Variants in EDIL3 observed in about 807,000 individuals in gnomAD.
EDIL3 encodes the protein EGF-like repeat and discoidin I-like domain-containing protein 3.
A neutral mutation model predicts 67.4 loss-of-function variants in EDIL3; 37 were observed. The observed-to-expected ratio is 0.55, with a 90% CI of 0.42 to 0.72. EDIL3 has a LOEUF of 0.72. Among genes scored for constraint, EDIL3 ranks in the 30% least tolerant of loss-of-function variants. The probability of loss-of-function intolerance (pLI) is 0.00; values close to 1 mark genes in which losing one functional copy is unlikely to be tolerated. For missense variants in EDIL3, 527 were observed against 586.3 expected, an observed-to-expected ratio of 0.90 and a Z score of 1.04; for synonymous variants, 195 against 196.3, an observed-to-expected ratio of 0.99 and a Z score of 0.05.
intron 5 of EDIL3, among the ~76,000 whole-genome samples, chr5:84,111,711 G>A (rs1415789074): frequency 6.6e-6 from 1 of 152,190 alleles, no homozygotes; most frequent in Non-Finnish European, 1.5e-5. Flanking sequence ...CAGGTGATCA[G>A]AGATGGCCTT....
At chr5:84,143,772 C>A (rs903682175) in intron 4 of EDIL3, among the ~76,000 whole-genome samples, 1 of 151,718 alleles carries the variant, frequency 6.6e-6, no homozygotes, top group Non-Finnish European at 1.5e-5. Flanking sequence ...ATGCAGAGGC[C>A]AGTAAGAACA....
At chr5:84,206,995 A>T (rs1379376393) in intron 3 of EDIL3, among the ~76,000 whole-genome samples, 1 of 152,188 alleles carries the variant, frequency 6.6e-6, no homozygotes, top group Non-Finnish European at 1.5e-5. Flanking sequence ...CAAGACAGGG[A>T]TGCCCTCTCT....
chr5:84,236,922 T>G (rs1268342483), intron 2 of EDIL3, among the ~76,000 whole-genome samples: 1 of 152,086 alleles, frequency 6.6e-6, no homozygotes, highest in East Asian at 1.9e-4. Context: ...TTATCCATTT[T>G]CAATAAAATT....
At chr5:84,102,041 T>A (rs1168131269) in intron 6 of EDIL3, among the ~76,000 whole-genome samples, 5 of 151,894 alleles carry the variant, frequency 3.3e-5, no homozygotes, top group African/African-American at 1.2e-4. Flanking sequence ...GAGTGAATAA[T>A]CACATAAACA....
At chr5:84,224,340 A>G (rs1012249358) in intron 3 of EDIL3, among the ~76,000 whole-genome samples, 3 of 151,530 alleles carry the variant, frequency 2.0e-5, no homozygotes, top group African/African-American at 7.2e-5. Flanking sequence ...AATAAACTAA[A>G]AGCAATGAGG....
At chr5:84,144,321 C>A (rs1406232156) in intron 4 of EDIL3, among the ~76,000 whole-genome samples, 1 of 147,784 alleles carries the variant, frequency 6.8e-6, no homozygotes, top group Admixed American at 6.8e-5. Flanking sequence ...TTCCATGCAT[C>A]CATCCATCCT....
At chr5:84,370,055 T>C (rs1747813028) in intron 1 of EDIL3, among the ~76,000 whole-genome samples, 1 of 152,200 alleles carries the variant, frequency 6.6e-6, no homozygotes, top group African/African-American at 2.4e-5. Context: ...AAGTATTAGA[T>C]TTTACAGTTT....
rs75758450 is a variant in EDIL3 at position 83,978,625 on chromosome 5, A to G, written c.1138-15265T>C. Among the ~76,000 whole-genome samples the G allele has an allele frequency of 5.7e-3, 872 of 152,126 alleles. 26 individuals are homozygous for G. The East Asian group carries it at 0.085, about 15-fold the overall frequency. ...TTAAAATAAGTAAAGCTATACAATT[A>G]AACAGTGATACTGTTATAAGGATAG... On this transcript the variant is annotated intron_variant, in intron 9 of 10. Transcript: ENST00000296591.
intron 1 of EDIL3, among the ~76,000 whole-genome samples, chr5:84,340,534 C>CTCTCTCTCTCTCTATATATA (rs1432966515): frequency 1.8e-5 from 1 of 54,208 alleles, no homozygotes; most frequent in Non-Finnish European, 3.6e-5. Context: ...CTCTCTCTCT[C>CTCTCTCTCTCTCTATATATA]TATATATATA....
At chr5:84,373,150 T>C (rs1288712678) in intron 1 of EDIL3, among the ~76,000 whole-genome samples, 1 of 152,166 alleles carries the variant, frequency 6.6e-6, no homozygotes. Context: ...TTCCTTAGTA[T>C]AAGTACTCCT....
At chr5:84,326,305 G>C (rs181217374) in intron 1 of EDIL3, among the ~76,000 whole-genome samples, 1 of 152,070 alleles carries the variant, frequency 6.6e-6, no homozygotes, top group African/African-American at 2.4e-5. Context: ...AATATAAAAT[G>C]GTTAAGACAT....
intron 1 of EDIL3, among the ~76,000 whole-genome samples, chr5:84,365,305 T>C (rs560634321): frequency 6.6e-6 from 1 of 152,252 alleles, no homozygotes; most frequent in Admixed American, 6.5e-5. Context: ...TCCAGTTCTG[T>C]TGCATAGAAA....
intron 10 of EDIL3, among the ~76,000 whole-genome samples, chr5:83,948,371 CAG>C (rs1470688910): frequency 1.3e-5 from 2 of 151,604 alleles, no homozygotes; most frequent in East Asian, 3.9e-4. Context: ...TCAAAAATTT[CAG>C]AGTTACAACT....
chr5:84,278,531 G>A (rs1745632830), intron 1 of EDIL3, among the ~76,000 whole-genome samples: 1 of 152,086 alleles, frequency 6.6e-6, no homozygotes, highest in Non-Finnish European at 1.5e-5. Flanking sequence ...AGCATGTTGA[G>A]GACCTACCAC....
chr5:84,164,269 TAA>T (rs1748665694), intron 4 of EDIL3, among the ~76,000 whole-genome samples: 1 of 152,104 alleles, frequency 6.6e-6, no homozygotes, highest in Admixed American at 6.6e-5. Flanking sequence ...ATTTGAACAT[TAA>T]GTTTGTCTAT....
At chr5:84,109,834 G>T (rs908432687) in intron 5 of EDIL3, among the ~76,000 whole-genome samples, 1 of 152,280 alleles carries the variant, frequency 6.6e-6, no homozygotes, top group East Asian at 1.9e-4. Flanking sequence ...TCTGTGAGTT[G>T]TCAAGGTACT....
chr5:84,340,534 C>CTCTATATATATATA (rs1432966515), intron 1 of EDIL3, among the ~76,000 whole-genome samples: 3 of 54,206 alleles, frequency 5.5e-5, no homozygotes, highest in Non-Finnish European at 7.3e-5. Flanking sequence ...CTCTCTCTCT[C>CTCTATATATATATA]TATATATATA....
chr5:84,353,146 A>G lies in EDIL3; in HGVS notation c.67+31162T>C, dbSNP rs567222117. ...CAATCAAAATTATAAGCACCAACCAATGTGAATTATGTTAAATTATGGGTG... is the reference window on the plus strand; with the variant it reads ...CAATCAAAATTATAAGCACCAACCAGTGTGAATTATGTTAAATTATGGGTG... On this transcript the variant is annotated intron_variant, in intron 1 of 10. Transcript: ENST00000296591. Among the ~76,000 whole-genome samples, 18 of 152,236 alleles carry G rather than the reference A, an allele frequency of 1.2e-4. No homozygotes were observed. In the East Asian group the frequency reaches 1.5e-3, roughly 13 times the overall value.
intron 5 of EDIL3, among the ~76,000 whole-genome samples, chr5:84,110,626 A>G (rs1435510200): frequency 6.6e-6 from 1 of 152,212 alleles, no homozygotes; most frequent in Non-Finnish European, 1.5e-5. Flanking sequence ...ACTTCAAGAA[A>G]AAAATGTTTT....
Sources: gnomAD v4.1 joint callset for allele counts (sites outside exome capture counted in the v4.1 genomes callset) on GRCh38, gnomAD v4.1.1 for gene constraint, MANE v1.5 for transcripts, NCBI Gene and HGNC (gene_info 2026-07-23, HGNC 2026-07-21) for gene names.